KIRREL3: variants seen among roughly 807,000 people sequenced by gnomAD.
KIRREL3 encodes kin of IRRE-like protein 3.
Under a neutral mutation model 89.7 loss-of-function variants are expected in KIRREL3, and 36 were observed. The observed-to-expected ratio is 0.40, with a 90% CI of 0.31 to 0.53. The LOEUF (loss-of-function observed/expected upper bound fraction) is 0.53, where lower values mean the gene tolerates loss of function less well. KIRREL3 is among the 20% of genes least tolerant of loss of function. KIRREL3 has a pLI of 0.49. For synonymous variants in KIRREL3, 445 were observed against 441.4 expected (o/e 1.01, Z -0.10); for missense variants, 864 against 1,056.6 (o/e 0.82, Z 2.53).
Position 126,883,639 on chromosome 11 carries a change from T to C in KIRREL3, c.55+116816A>G, listed in dbSNP as rs1945588843. ...TACGTCAGCACTCCCATAAAACCTC[T>C]ATTTTAGCATTTACTTCCTTACACA... On this transcript the variant is annotated intron_variant, in intron 1 of 16. Coordinates refer to ENST00000525144, the MANE Select transcript of KIRREL3 (RefSeq NM_032531.4). This position sits in a 1 kb window ranked among gnomAD's most constrained non-coding sequence, Gnocchi z 4.1. Among the ~76,000 whole-genome samples the C allele has an allele frequency of 6.6e-6, 1 of 152,170 alleles. No individual in the cohort carries two copies. Among genetic ancestry groups the C allele is most frequent in the African/African-American group, 2.4e-5 (1 of 41,434 alleles).
intron 1 of KIRREL3, among the ~76,000 whole-genome samples, chr11:126,741,530 G>A (rs191590101): frequency 1.3e-4 from 20 of 152,240 alleles, no homozygotes; most frequent in East Asian, 5.8e-4. Flanking sequence ...CAACAAATGC[G>A]TCTTGATCTT....
chr11:126,913,830 G>T (rs139943584), intron 1 of KIRREL3, among the ~76,000 whole-genome samples: 1 of 152,198 alleles, frequency 6.6e-6, no homozygotes, highest in Non-Finnish European at 1.5e-5. Flanking sequence ...TGCAGGTGGA[G>T]TCTGGGGACC....
At chr11:126,775,759 G>A (rs983112006) in intron 1 of KIRREL3, among the ~76,000 whole-genome samples, 4 of 152,192 alleles carry the variant, frequency 2.6e-5, no homozygotes, top group Non-Finnish European at 4.4e-5. Flanking sequence ...TCTTGGAGGT[G>A]GAAGTGCTGT....
intron 1 of KIRREL3, among the ~76,000 whole-genome samples, chr11:126,711,266 A>G (rs1302596447): frequency 2.0e-5 from 3 of 152,232 alleles, no homozygotes; most frequent in African/African-American, 7.2e-5. Flanking sequence ...GCCTAAGTTT[A>G]AAGAGAATTC....
At position 126,459,047 on chromosome 11, in the gene KIRREL3, G is replaced by A. The variant is rs913241496; in HGVS notation, c.743-2593C>T. Among the ~76,000 whole-genome samples, 1 of 152,176 alleles carries A rather than the reference G, an allele frequency of 6.6e-6. No homozygotes were observed. Among genetic ancestry groups the A allele is most frequent in the Non-Finnish European group, 1.5e-5 (1 of 68,036 alleles). ...CCGTGGGTTGGAGAAGTGGAGGTGG[G>A]GCAGAGGAGCTTGGGAATCGCCACC... is the stretch of plus-strand genomic sequence containing the variant. On this transcript the variant is annotated intron_variant, in intron 6 of 16. Coordinates refer to ENST00000525144, the MANE Select transcript of KIRREL3 (RefSeq NM_032531.4). The surrounding 1 kb of genome is among the most constrained non-coding windows in gnomAD (Gnocchi z 4.8).
In KIRREL3 at chr11:126,795,054, TCA is replaced by T. The variant is rs749642564; in HGVS notation, c.55+205399_55+205400del. 2.0e-5 allele frequency among the ~76,000 whole-genome samples: 3 copies of T among 152,164 alleles called. No homozygotes were observed. Among genetic ancestry groups the T allele is most frequent in the Non-Finnish European group, 4.4e-5 (3 of 68,022 alleles). On this transcript the variant is annotated intron_variant, in intron 1 of 16. Coordinates refer to ENST00000525144, the MANE Select transcript of KIRREL3 (RefSeq NM_032531.4). This position sits in a 1 kb window ranked among gnomAD's most constrained non-coding sequence, Gnocchi z 4.1. ...TCTGGAAAGGCAGACAAAAGAAAGT[TCA>T]GTGTTTGCCAGGGGTTGGGCAGGAG... is the stretch of plus-strand genomic sequence containing the variant.
chr11:126,830,669 G>A lies in KIRREL3; in HGVS notation c.55+169786C>T, dbSNP rs1220722469. Among the ~76,000 whole-genome samples the A allele has an allele frequency of 4.6e-5, 7 of 152,200 alleles. No homozygotes were observed. The highest frequency in any genetic ancestry group is 1.0e-4 in the Non-Finnish European group (7 of 68,036). ...GGCACTTAGGAAGGTGTTCGTGCCA[G>A]ACGCATTCATTGTCTAACTGCCTGG... On this transcript the variant is annotated intron_variant, in intron 1 of 16. Transcript: ENST00000525144. This position sits in a 1 kb window ranked among gnomAD's most constrained non-coding sequence, Gnocchi z 4.9.
At chr11:126,823,062 G>A (rs1381066442) in intron 1 of KIRREL3, among the ~76,000 whole-genome samples, 1 of 152,102 alleles carries the variant, frequency 6.6e-6, no homozygotes, top group African/African-American at 2.4e-5. Context: ...ATACTCACTG[G>A]AGAGAACTCA....
intron 4 of KIRREL3, among the ~76,000 whole-genome samples, chr11:126,499,012 G>C (rs1459752503): frequency 6.6e-6 from 1 of 152,122 alleles, no homozygotes; most frequent in Non-Finnish European, 1.5e-5. Context: ...AATTAGCCAG[G>C]TGTGGTGGCA....
intron 1 of KIRREL3, among the ~76,000 whole-genome samples, chr11:126,626,534 G>A (rs1357315508): frequency 6.6e-6 from 1 of 152,202 alleles, no homozygotes; most frequent in African/African-American, 2.4e-5. Context: ...ACAGTAGGGG[G>A]TATCTTGGAG....
At chr11:126,451,471 T>G (rs544995925) in intron 7 of KIRREL3, among the ~76,000 whole-genome samples, 1 of 145,750 alleles carries the variant, frequency 6.9e-6, no homozygotes, top group South Asian at 2.2e-4. Flanking sequence ...TGTGGGCATG[T>G]GCATGTGTGT....
At chr11:126,721,278 C>T (rs549360669) in intron 1 of KIRREL3, among the ~76,000 whole-genome samples, 46 of 152,240 alleles carry the variant, frequency 3.0e-4, no homozygotes, top group Admixed American at 2.6e-3. Flanking sequence ...TGCCTGTAGT[C>T]CCAGCACTTT....
Position 126,564,343 on chromosome 11 carries a change from GC to G in KIRREL3, c.56-1432del, listed in dbSNP as rs1940357164. Among the ~76,000 whole-genome samples, 1 of 152,192 alleles carries G rather than the reference GC, an allele frequency of 6.6e-6. No individual in the cohort carries two copies. Among genetic ancestry groups the G allele is most frequent in the South Asian group, 2.1e-4 (1 of 4,830 alleles). ...ATAGCAGGATGAAAGAGAGTGCAGGGCCCATGAGACACAGATAAGTCAAGCT... is the reference window on the plus strand; with the variant it reads ...ATAGCAGGATGAAAGAGAGTGCAGGGCCATGAGACACAGATAAGTCAAGCT... On this transcript the variant is annotated intron_variant, in intron 1 of 16. Coordinates refer to ENST00000525144, the MANE Select transcript of KIRREL3 (RefSeq NM_032531.4). The surrounding 1 kb of genome is among the most constrained non-coding windows in gnomAD (Gnocchi z 7.4).
intron 1 of KIRREL3, among the ~76,000 whole-genome samples, chr11:126,730,085 G>A (rs951660714): frequency 1.3e-5 from 2 of 152,108 alleles, no homozygotes; most frequent in Non-Finnish European, 2.9e-5. Flanking sequence ...AAATGTTGAT[G>A]TCCCTAGGTT....
chr11:126,749,707 C>T (rs1949274375), intron 1 of KIRREL3, among the ~76,000 whole-genome samples: 1 of 151,986 alleles, frequency 6.6e-6, no homozygotes, highest in African/African-American at 2.4e-5. Flanking sequence ...CCAGTCTTTA[C>T]AGGGGAAAGG....
At chr11:126,815,682 C>G (rs1434736671) in intron 1 of KIRREL3, among the ~76,000 whole-genome samples, 1 of 152,040 alleles carries the variant, frequency 6.6e-6, no homozygotes, top group African/African-American at 2.4e-5. Context: ...TACAGGCAGC[C>G]GCCACCACGC....
rs184455689 is a variant in KIRREL3 at position 126,853,086 on chromosome 11, T to A, written c.55+147369A>T. ...TTTTTTTGTGTTGTTGCTTTTTTTT[T>A]AAAATGGGAAAAATACTTCCTTTTT... On this transcript the variant is annotated intron_variant, in intron 1 of 16. Coordinates refer to ENST00000525144, the MANE Select transcript of KIRREL3 (RefSeq NM_032531.4). Among the ~76,000 whole-genome samples the A allele has an allele frequency of 3.2e-3, 482 of 152,278 alleles. 1 individual carries two copies. The highest frequency in any genetic ancestry group is 0.01 in the African/African-American group (429 of 41,560).
chr11:126,833,422 G>A (rs565468233), intron 1 of KIRREL3, among the ~76,000 whole-genome samples: 3 of 152,234 alleles, frequency 2.0e-5, no homozygotes, highest in Non-Finnish European at 2.9e-5. Context: ...TGACAGAGAT[G>A]AATTTGATCA....
chr11:126,555,618 T>A lies in KIRREL3; in HGVS notation c.133+7217A>T, dbSNP rs1939646209. Among the ~76,000 whole-genome samples, 1 of 152,112 alleles carries A rather than the reference T, an allele frequency of 6.6e-6. No homozygotes were observed. The highest frequency in any genetic ancestry group is 1.5e-5 in the Non-Finnish European group (1 of 68,028). On this transcript the variant is annotated intron_variant, in intron 2 of 16. Coordinates refer to ENST00000525144, the MANE Select transcript of KIRREL3 (RefSeq NM_032531.4). The surrounding 1 kb of genome is among the most constrained non-coding windows in gnomAD (Gnocchi z 4.2). ...GACACAGGCCCTATGACAGGGGCCC[T>A]GCTTGAGGAGCAGCAGGAAGGCCCA...
Sources: allele counts gnomAD v4.1 joint callset (sites outside exome capture counted in the v4.1 genomes callset), GRCh38; gene constraint gnomAD v4.1.1; non-coding constraint Gnocchi (gnomAD v3.1); transcripts MANE v1.5; gene names NCBI Gene and HGNC (gene_info 2026-07-23, HGNC 2026-07-21).